SCRG1: variants seen among roughly 807,000 people sequenced by gnomAD.
The protein encoded by SCRG1 is scrapie-responsive protein 1.
SCRG1 carries 3 observed loss-of-function variants against 7.7 expected under a neutral mutation model. That is an observed-to-expected ratio of 0.39 (90% confidence interval 0.18 to 1.01). The LOEUF is 1.01. Ranked by LOEUF, SCRG1 falls within the 50% of genes least tolerant of loss-of-function variation. SCRG1 has a pLI of 0.36. For missense variants in SCRG1, 110 were observed against 117.2 expected (o/e 0.94, Z 0.28); for synonymous variants, 46 against 41.2 (o/e 1.12, Z -0.44).
intron 1 of SCRG1, among the ~76,000 whole-genome samples, chr4:173,396,963 G>A (rs1455397493): frequency 5.3e-5 from 8 of 152,080 alleles, no homozygotes. Flanking sequence ...TGAGGCAGGA[G>A]AATCACTTGA....
At chr4:173,402,819 T>C (rs73005380), upstream of SCRG1, among the ~76,000 whole-genome samples, 2 of 152,256 alleles carry the variant, frequency 1.3e-5, no homozygotes, top group African/African-American at 4.8e-5. Context: ...AGGTAGGACT[T>C]TTTTTATGTG....
At chr4:173,457,488 C>T in the SCRG1 span, among the ~76,000 whole-genome samples, 2 of 152,148 alleles carry the variant, frequency 1.3e-5, no homozygotes, top group Non-Finnish European at 1.5e-5. Context: ...GAGTAACCAT[C>T]TTTATCAATT....
chr4:173,422,651 C>A, the SCRG1 span, among the ~76,000 whole-genome samples: 1 of 152,030 alleles, frequency 6.6e-6, no homozygotes, highest in Admixed American at 6.6e-5. Flanking sequence ...AAACAAGAGA[C>A]CTTTGTATAG....
At chr4:173,506,717 C>A in the SCRG1 span, among the ~76,000 whole-genome samples, 2 of 152,178 alleles carry the variant, frequency 1.3e-5, no homozygotes, top group Admixed American at 6.5e-5. This position sits in a 1 kb window ranked among gnomAD's most constrained non-coding sequence, Gnocchi z 5.3. Context: ...CCTTCACTTC[C>A]TGGATTTGAA....
At chr4:173,454,209 C>A in the SCRG1 span, among the ~76,000 whole-genome samples, 1 of 151,914 alleles carries the variant, frequency 6.6e-6, no homozygotes, top group Admixed American at 6.6e-5. Context: ...TGAAGACAGG[C>A]AATGCAGTTG....
At chr4:173,484,736 A>G in the SCRG1 span, among the ~76,000 whole-genome samples, 1 of 89,630 alleles carries the variant, frequency 1.1e-5, no homozygotes, top group Non-Finnish European at 1.9e-5. Flanking sequence ...TGCATATAAT[A>G]CATATTATAT....
the SCRG1 span, among the ~76,000 whole-genome samples, chr4:173,441,677 T>A: frequency 6.6e-6 from 1 of 152,186 alleles, no homozygotes; most frequent in Admixed American, 6.5e-5. Flanking sequence ...TGTGAGGCAA[T>A]TAAGAAGATG....
chr4:173,496,230 G>A, the SCRG1 span, among the ~76,000 whole-genome samples: 1 of 152,204 alleles, frequency 6.6e-6, no homozygotes, highest in East Asian at 1.9e-4. Flanking sequence ...CAGCTGCTGT[G>A]AGGACAGACT....
chr4:173,413,325 C>T, the SCRG1 span, among the ~76,000 whole-genome samples: 1 of 152,154 alleles, frequency 6.6e-6, no homozygotes, highest in Non-Finnish European at 1.5e-5. Flanking sequence ...GTTTATTCAC[C>T]TCTTCCTCTA....
chr4:173,440,461 T>C, the SCRG1 span, among the ~76,000 whole-genome samples: 3 of 152,356 alleles, frequency 2.0e-5, no homozygotes, highest in African/African-American at 7.2e-5. Context: ...TTGATTGGTT[T>C]ACTTTAATAA....
chr4:173,502,828 G>T, the SCRG1 span, among the ~76,000 whole-genome samples: 2 of 151,112 alleles, frequency 1.3e-5, no homozygotes, highest in South Asian at 2.1e-4. The surrounding 1 kb of genome is among the most constrained non-coding windows in gnomAD (Gnocchi z 4.6). Flanking sequence ...AGTTCCAAGC[G>T]TCTTCCACAG....
chr4:173,493,681 C>T, the SCRG1 span, among the ~76,000 whole-genome samples: 1 of 151,030 alleles, frequency 6.6e-6, no homozygotes, highest in African/African-American at 2.4e-5. Context: ...GCCGAGTGCT[C>T]TATGTGTTTG....
upstream of SCRG1, among the ~76,000 whole-genome samples, chr4:173,402,513 A>G (rs1739788076): frequency 2.0e-5 from 3 of 152,186 alleles, no homozygotes; most frequent in Admixed American, 2.0e-4. Context: ...AAACAGCAAA[A>G]TCCTTCCAAT....
At chr4:173,506,413 A>C in the SCRG1 span, among the ~76,000 whole-genome samples, 1 of 151,716 alleles carries the variant, frequency 6.6e-6, no homozygotes, top group Non-Finnish European at 1.5e-5. This position sits in a 1 kb window ranked among gnomAD's most constrained non-coding sequence, Gnocchi z 5.3. Context: ...TGTGCCATCA[A>C]CTCCTCTCAT....
At chr4:173,478,652 C>G in the SCRG1 span, among the ~76,000 whole-genome samples, 1 of 152,100 alleles carries the variant, frequency 6.6e-6, no homozygotes, top group Non-Finnish European at 1.5e-5. Context: ...CTCAGTAACA[C>G]CAGCTTTTAA....
the SCRG1 span, among the ~76,000 whole-genome samples, chr4:173,443,385 G>A: frequency 6.6e-6 from 1 of 152,132 alleles, no homozygotes; most frequent in African/African-American, 2.4e-5. Flanking sequence ...GGAAAACAGG[G>A]CCTGTAATAC....
the SCRG1 span, among the ~76,000 whole-genome samples, chr4:173,463,146 T>G: frequency 2.0e-5 from 3 of 152,206 alleles, no homozygotes; most frequent in Non-Finnish European, 2.9e-5. Flanking sequence ...GCCCTTTGCC[T>G]TGACAGGCTC....
At chr4:173,406,748 G>T (rs1739917180), upstream of SCRG1, among the ~76,000 whole-genome samples, 2 of 152,096 alleles carry the variant, frequency 1.3e-5, no homozygotes, top group African/African-American at 4.8e-5. Flanking sequence ...ATTACATACT[G>T]GCTTTTTTCA....
chr4:173,431,770 T>G, the SCRG1 span, among the ~76,000 whole-genome samples: 1 of 152,228 alleles, frequency 6.6e-6, no homozygotes, highest in African/African-American at 2.4e-5. Context: ...GACAGAAAGT[T>G]TCTTAGCACT....
Sources: gnomAD v4.1 joint callset for allele counts (sites outside exome capture counted in the v4.1 genomes callset) on GRCh38, gnomAD v4.1.1 for gene constraint, Gnocchi (gnomAD v3.1) non-coding constraint, MANE v1.5 for transcripts, NCBI Gene and HGNC (gene_info 2026-07-23, HGNC 2026-07-21) for gene names.